DHX57: variants seen among roughly 807,000 people sequenced by gnomAD.
DHX57 encodes DExH-box helicase 57.
Under a neutral mutation model 156.2 loss-of-function variants are expected in DHX57, and 105 were observed. That is an observed-to-expected ratio of 0.67 (90% CI 0.57 to 0.79). The LOEUF is 0.79. Among genes scored for constraint, DHX57 ranks in the 30% least tolerant of loss-of-function variants. The pLI is 0.00. For missense variants in DHX57, 1,847 were observed against 1,661.9 expected, an observed-to-expected ratio of 1.11 and a Z score of -1.94; for synonymous variants, 704 against 595.6, an observed-to-expected ratio of 1.18 and a Z score of -2.65.
chr2:38,861,977 A>C (rs572400630), intron 4 of DHX57, 140 bp from the exon 5 acceptor site: 2 of 1,225,060 alleles, frequency 1.6e-6, no homozygotes, highest in Non-Finnish European at 1.1e-6. Context: ...ATCCCTGATA[A>C]CAATAAGCCC....
intron 2 of DHX57, among the ~76,000 whole-genome samples, chr2:38,867,793 A>G (rs1007021678): frequency 6.6e-6 from 1 of 151,746 alleles, no homozygotes; most frequent in African/African-American, 2.4e-5. Flanking sequence ...CCTGACCTCA[A>G]GCGATCCACA....
intron 1 of DHX57, among the ~76,000 whole-genome samples, chr2:38,875,531 C>CG (rs1005425865): frequency 2.0e-5 from 3 of 152,216 alleles, no homozygotes; most frequent in African/African-American, 7.2e-5. Flanking sequence ...CGCCCCGCCC[C>CG]CCCCGGCCCC....
chr2:38,843,707 G>C (rs779114156), intron 11 of DHX57, among the ~76,000 whole-genome samples: 7 of 152,272 alleles, frequency 4.6e-5, no homozygotes, highest in South Asian at 2.1e-4. Context: ...AATCCTATTA[G>C]ACATCATGGC....
At chr2:38,869,388 A>T (rs1403644572) in intron 1 of DHX57, among the ~76,000 whole-genome samples, 1 of 152,182 alleles carries the variant, frequency 6.6e-6, no homozygotes, top group Non-Finnish European at 1.5e-5. Flanking sequence ...TGTAGTTTAG[A>T]CTGTTGGCCA....
intron 9 of DHX57, chr2:38,853,404 T>G (rs1672715130): frequency 6.6e-6 from 1 of 152,222 alleles, no homozygotes; most frequent in African/African-American, 2.4e-5. Flanking sequence ...ATTATGGGTG[T>G]GAGCCATTGC....
chr2:38,806,778 G>T, intron 21 of DHX57, 85 bp from the exon 22 acceptor site: 1 of 1,258,284 alleles, frequency 7.9e-7, no homozygotes, highest in Non-Finnish European at 1.1e-6. Context: ...CACAAAACCA[G>T]TCTTGCTCAG....
chr2:38,854,288 C>A (rs576975345), intron 8 of DHX57, 110 bp from the exon 9 acceptor site: 43 of 1,139,806 alleles, frequency 3.8e-5, no homozygotes, highest in Non-Finnish European at 5.1e-5. Flanking sequence ...GAAACACCAG[C>A]AGTTCCATTT....
chr2:38,814,738 T>C (rs1252922046), intron 20 of DHX57, among the ~76,000 whole-genome samples: 1 of 151,986 alleles, frequency 6.6e-6, no homozygotes, highest in Non-Finnish European at 1.5e-5. Flanking sequence ...GTTTTTTTTT[T>C]TGAGACAGAG....
chr2:38,859,284 G>C (rs6710418), intron 5 of DHX57, among the ~76,000 whole-genome samples: 84,840 of 151,974 alleles, frequency 0.56, 25,405 homozygotes, highest in East Asian at 0.81. Context: ...TCAAAAAGCT[G>C]CATATTGTGT....
At chr2:38,819,226 G>A in intron 17 of DHX57, 82 bp from the exon 18 acceptor site, 1 of 1,306,604 alleles carries the variant, frequency 7.7e-7, no homozygotes, top group South Asian at 1.2e-5. Flanking sequence ...CCAGGCTGGA[G>A]TGCAGTGGTG....
rs751749511 is a variant in DHX57, at chr2:38,861,251, AACG to A, written c.1156_1158del (p.Arg386del). On this transcript the variant is annotated inframe_deletion, in exon 5 of 24. Coordinates refer to ENST00000457308, the MANE Select transcript of DHX57 (RefSeq NM_198963.3). ...TCATAAAGAAACTCAGAAATATGTA[AACG>A]ACAAGCCAGAGGTAGGTTCTCATTG... 6.2e-7 allele frequency: 1 copy of A among 1,614,174 alleles called. No individual in the cohort carries two copies. Among genetic ancestry groups the A allele is most frequent in the Admixed American group, 1.7e-5 (1 of 60,026 alleles).
chr2:38,840,055 C>T (rs1358087923), intron 12 of DHX57, among the ~76,000 whole-genome samples: 2 of 151,684 alleles, frequency 1.3e-5, no homozygotes, highest in African/African-American at 2.4e-5. Context: ...CAAATGATCT[C>T]TCACCTCAGC....
At chr2:38,814,014 T>G in intron 20 of DHX57, 119 bp from the exon 21 acceptor site, 1 of 1,087,592 alleles carries the variant, frequency 9.2e-7, no homozygotes, top group South Asian at 1.3e-5. Context: ...CTCAGCTTAC[T>G]GCAACCTCCG....
chr2:38,828,619 A>T (rs544802258), intron 13 of DHX57, among the ~76,000 whole-genome samples, 183 bp from the exon 14 acceptor site: 1 of 152,238 alleles, frequency 6.6e-6, no homozygotes, highest in Admixed American at 6.5e-5. Context: ...GCTACTCGGC[A>T]GGCTGAGGTA....
chr2:38,872,189 T>C (rs1665389294), intron 1 of DHX57, among the ~76,000 whole-genome samples: 1 of 152,166 alleles, frequency 6.6e-6, no homozygotes. Context: ...CATAGCAATA[T>C]TGCTGGAATT....
At chr2:38,868,789 G>A (rs1423120593) in intron 1 of DHX57, among the ~76,000 whole-genome samples, 2 of 147,712 alleles carry the variant, frequency 1.4e-5, no homozygotes, top group Non-Finnish European at 3.0e-5. Flanking sequence ...ATTTGGTTAG[G>A]TCTAATTTAG....
chr2:38,862,568 A>G (rs1673290682), intron 3 of DHX57: 1 of 348,578 alleles, frequency 2.9e-6, no homozygotes, highest in South Asian at 1.3e-4. Flanking sequence ...AATCTTCCCA[A>G]TAACTGTACC....
In DHX57 at chr2:38,861,322, T is replaced by C. The variant is rs765403010; in HGVS notation, c.1088A>G (p.His363Arg). Residue 363 changes from histidine (H) to arginine (R), a missense_variant, in exon 5 of 24, where the codon CAC becomes CGC. Coordinates refer to ENST00000457308, the MANE Select transcript of DHX57 (RefSeq NM_198963.3). ...YELEIRFSKD[H>R]KYPYQAPLVA... is the part of the protein sequence containing the mutation. ...GAGCGGAGCTTGGTAGGGATATTTGTGGTCTTTAGAAAATCGAATTTCAAG... is the reference window on the plus strand; with the variant it reads ...GAGCGGAGCTTGGTAGGGATATTTGCGGTCTTTAGAAAATCGAATTTCAAG... 6 of 1,613,742 alleles carry C rather than the reference T, an allele frequency of 3.7e-6. No individual in the cohort carries two copies. Among genetic ancestry groups the C allele is most frequent in the Admixed American group, 3.3e-5 (2 of 59,908 alleles).
intron 12 of DHX57, among the ~76,000 whole-genome samples, chr2:38,841,865 C>T (rs1384608701): frequency 6.6e-6 from 1 of 152,102 alleles, no homozygotes; most frequent in Non-Finnish European, 1.5e-5. Context: ...GAGGAAGTAC[C>T]TAATAACATA....
Sources: gnomAD v4.1 joint callset for allele counts (sites outside exome capture counted in the v4.1 genomes callset) on GRCh38, gnomAD v4.1.1 for gene constraint, MANE v1.5 for transcripts, NCBI Gene and HGNC (gene_info 2026-07-23, HGNC 2026-07-21) for gene names.